Variants in NEO1 observed in about 807,000 individuals in gnomAD.
NEO1 encodes the protein neogenin 1.
Under a neutral mutation model 159.7 loss-of-function variants are expected in NEO1, and 63 were observed. The ratio of observed to expected loss-of-function variants is 0.39; its 90% CI spans 0.32 to 0.49. NEO1 has a LOEUF of 0.49. Ranked by LOEUF, NEO1 falls within the 20% of genes least tolerant of loss-of-function variation. The pLI is 0.85. For missense variants in NEO1, 1,615 were observed against 1,831.0 expected (o/e 0.88, Z 2.15); for synonymous variants, 633 against 662.0 (o/e 0.96, Z 0.67).
At chr15:73,249,523 A>G in intron 10 of NEO1, 60 bp from the exon 11 acceptor site, 1 of 1,495,056 alleles carries the variant, frequency 6.7e-7, no homozygotes, top group Non-Finnish European at 8.9e-7. Context: ...CTAATTCTTT[A>G]ATTTTCAACT....
intron 5 of NEO1, among the ~76,000 whole-genome samples, chr15:73,150,739 A>T (rs2033300794): frequency 6.6e-6 from 1 of 152,338 alleles, no homozygotes; most frequent in East Asian, 1.9e-4. Flanking sequence ...ACCCATATTA[A>T]AATATAAAAT....
chr15:73,134,893 G>A (rs1031857072), intron 4 of NEO1, among the ~76,000 whole-genome samples: 1 of 152,150 alleles, frequency 6.6e-6, no homozygotes, highest in Non-Finnish European at 1.5e-5. Context: ...GACTAGAAAT[G>A]TAACAGTATT....
rs76676101 is a variant in NEO1 at position 73,083,109 on chromosome 15, C to T, written c.130+30304C>T. Among the ~76,000 whole-genome samples, 1,396 of 152,250 alleles carry T rather than the reference C, an allele frequency of 9.2e-3. 12 individuals are homozygous for T. Among genetic ancestry groups the T allele is most frequent in the Non-Finnish European group, 0.014 (931 of 68,014 alleles). ...GGCCTTGTTGGATGTGTATCAAGGA[C>T]TTTGGACTTCATCATGAGAGTAATG... On this transcript the variant is annotated intron_variant, in intron 1 of 28. Transcript: ENST00000261908.
chr15:73,189,213 C>G (rs2036105159), intron 7 of NEO1, among the ~76,000 whole-genome samples: 1 of 152,132 alleles, frequency 6.6e-6, no homozygotes, highest in Non-Finnish European at 1.5e-5. Context: ...TACAGTTACT[C>G]CTTGGTATAC....
intron 1 of NEO1, among the ~76,000 whole-genome samples, chr15:73,068,231 C>CCCCCCCG (rs55919404): frequency 0.023 from 2,759 of 119,800 alleles, 113 homozygotes; most frequent in South Asian, 0.033. Context: ...CTACCCCCCC[C>CCCCCCCG]CCTTTTTTTT....
intron 5 of NEO1, among the ~76,000 whole-genome samples, chr15:73,164,550 C>A (rs2034437104): frequency 6.6e-6 from 1 of 152,136 alleles, no homozygotes; most frequent in Non-Finnish European, 1.5e-5. Flanking sequence ...CTAGGACGTG[C>A]AGTAGAATGT....
chr15:73,061,808 G>A (rs939597973), intron 1 of NEO1, among the ~76,000 whole-genome samples: 6 of 152,082 alleles, frequency 3.9e-5, no homozygotes, highest in African/African-American at 1.4e-4. Context: ...GTTGGATTTT[G>A]CTGTGCACAC....
chr15:73,164,190 G>A (rs1005660819), intron 5 of NEO1, among the ~76,000 whole-genome samples: 4 of 148,766 alleles, frequency 2.7e-5, no homozygotes, highest in East Asian at 2.0e-4. Flanking sequence ...ACCACGCCCC[G>A]CTGATTATTA....
At chr15:73,180,526 G>A (rs1317575484) in intron 7 of NEO1, among the ~76,000 whole-genome samples, 1 of 152,086 alleles carries the variant, frequency 6.6e-6, no homozygotes, top group Non-Finnish European at 1.5e-5. Context: ...TTGTGGCAGT[G>A]ACTTTTCTTA....
intron 7 of NEO1, among the ~76,000 whole-genome samples, chr15:73,234,060 A>G (rs913346413): frequency 2.0e-5 from 3 of 152,154 alleles, no homozygotes; most frequent in African/African-American, 7.2e-5. Context: ...TCACACAGCA[A>G]ACTTTCTCTC....
chr15:73,079,884 G>C (rs1049962247), intron 1 of NEO1, among the ~76,000 whole-genome samples: 2 of 152,104 alleles, frequency 1.3e-5, no homozygotes, highest in Admixed American at 1.3e-4. Context: ...TGAGAGATTT[G>C]GCAACTTTCT....
At chr15:73,269,537 T>G (rs1012830849) in intron 16 of NEO1, among the ~76,000 whole-genome samples, 5 of 152,090 alleles carry the variant, frequency 3.3e-5, no homozygotes, top group African/African-American at 1.2e-4. Flanking sequence ...ATTTTTGTAT[T>G]TTTAGTAGAG....
At chr15:73,155,547 A>G (rs1157918398) in intron 5 of NEO1, among the ~76,000 whole-genome samples, 1 of 152,134 alleles carries the variant, frequency 6.6e-6, no homozygotes, top group Non-Finnish European at 1.5e-5. Context: ...TTGTTTCCTT[A>G]AATAGGTTTT....
At chr15:73,296,556 G>A (rs1323598224) in intron 26 of NEO1, among the ~76,000 whole-genome samples, 1 of 152,170 alleles carries the variant, frequency 6.6e-6, no homozygotes, top group Non-Finnish European at 1.5e-5. Context: ...AGAGCCCAAG[G>A]GCACAGATTC....
rs763010403 is a variant in NEO1 at position 73,096,276 on chromosome 15, C to T, written c.131-20264C>T. On this transcript the variant is annotated intron_variant, in intron 1 of 28. Coordinates refer to ENST00000261908, the MANE Select transcript of NEO1 (RefSeq NM_002499.4). The stretch of plus-strand genomic sequence containing the variant: ...GAAGAAGTTGAGCAAACTTTTCACT[C>T]GATAGATATCAAAACCATTGTGCCC... Among the ~76,000 whole-genome samples, 9 of 152,118 alleles carry T rather than the reference C, an allele frequency of 5.9e-5. No homozygotes were observed. In the South Asian group the frequency reaches 1.5e-3, roughly 25 times the overall value.
intron 5 of NEO1, among the ~76,000 whole-genome samples, chr15:73,154,206 C>T (rs2033599136): frequency 6.6e-6 from 1 of 150,536 alleles, no homozygotes; most frequent in South Asian, 2.1e-4. Context: ...GTCTAGTATT[C>T]TTTAAAAAAA....
intron 9 of NEO1, among the ~76,000 whole-genome samples, chr15:73,246,137 A>G (rs1476995198): frequency 2.0e-5 from 3 of 152,216 alleles, no homozygotes; most frequent in African/African-American, 7.2e-5. Context: ...ATGGCATATC[A>G]TTCACCTGTC....
rs1289489197 is a variant in NEO1 at position 73,052,605 on chromosome 15, C to T, written c.-71C>T. On this transcript the variant is annotated 5_prime_UTR_variant, in exon 1 of 29. Coordinates refer to ENST00000261908, the MANE Select transcript of NEO1 (RefSeq NM_002499.4). Reference sequence around the variant, plus strand: ...GCTTGCAGCGAGGGACCGGCTGAGGCGCGCGGGAGGGAAGGAGGCAAGGGC... The same window carrying T: ...GCTTGCAGCGAGGGACCGGCTGAGGTGCGCGGGAGGGAAGGAGGCAAGGGC... 5.0e-6 allele frequency: 5 copies of T among 1,009,358 alleles called. No homozygotes were observed. Among genetic ancestry groups the T allele is most frequent in the Admixed American group, 5.0e-5 (1 of 19,870 alleles). The allele number at this position is 1,009,358 out of a possible 1,614,324, so 62.5% of individuals were successfully genotyped here. A position where few individuals can be genotyped will look rare whatever the true frequency, so the allele number is the denominator to read the frequency against.
intron 16 of NEO1, 22 bp downstream of exon 16, chr15:73,266,433 A>C: frequency 6.4e-7 from 1 of 1,566,274 alleles, no homozygotes; most frequent in Middle Eastern, 1.7e-4. Flanking sequence ...TATCTTTCCT[A>C]GTCTCCAGCA....
Sources: gnomAD v4.1 joint callset for allele counts (sites outside exome capture counted in the v4.1 genomes callset) on GRCh38, gnomAD v4.1.1 for gene constraint, MANE v1.5 for transcripts, NCBI Gene and HGNC (gene_info 2026-07-23, HGNC 2026-07-21) for gene names.